The following AHR variants were observed in gnomAD, a reference collection of about 807,000 sequenced individuals.
AHR encodes the protein aryl hydrocarbon receptor, also known as AH-receptor.
A neutral mutation model predicts 86.8 loss-of-function variants in AHR; 40 were observed. The ratio of observed to expected loss-of-function variants is 0.46; its 90% CI spans 0.36 to 0.60. The LOEUF is 0.60. AHR is among the 20% of genes least tolerant of loss of function. The pLI, the probability that AHR is intolerant of heterozygous loss-of-function variation, is 0.00. For synonymous variants in AHR, 398 were observed against 354.9 expected (o/e 1.12, Z -1.37); for missense variants, 1,001 against 1,011.6 (o/e 0.99, Z 0.14).
chr7:17,299,455 G>A (rs895775647), intron 1 of AHR, 126 bp downstream of exon 1: 2 of 1,086,396 alleles, frequency 1.8e-6, no homozygotes, highest in East Asian at 2.9e-5. Context: ...GGCACTGCCC[G>A]TGGAATCGAG....
intron 2 of AHR, among the ~76,000 whole-genome samples, chr7:17,314,983 C>A (rs2115355474): frequency 6.6e-6 from 1 of 152,080 alleles, no homozygotes; most frequent in East Asian, 1.9e-4. Context: ...TGGCATTATC[C>A]ATCTTAAATG....
chr7:17,309,634 GA>G (rs1342387573), intron 1 of AHR, among the ~76,000 whole-genome samples: 1 of 152,056 alleles, frequency 6.6e-6, no homozygotes, highest in Non-Finnish European at 1.5e-5. Context: ...TTTGAGAGGG[GA>G]AAAAAATCCC....
At chr7:17,323,497 C>T (rs1474594574) in intron 3 of AHR, among the ~76,000 whole-genome samples, 1 of 151,916 alleles carries the variant, frequency 6.6e-6, no homozygotes, top group African/African-American at 2.4e-5. Flanking sequence ...ATGATTGATT[C>T]TCACTTAAAA....
At chr7:17,319,151 T>A (rs1331919663) in intron 2 of AHR, among the ~76,000 whole-genome samples, 1 of 152,144 alleles carries the variant, frequency 6.6e-6, no homozygotes, top group Non-Finnish European at 1.5e-5. Flanking sequence ...AATACTCAGT[T>A]ACCTCCTTAG....
At chr7:17,329,763 G>T in intron 4 of AHR, 189 bp from the exon 5 acceptor site, 1 of 434,888 alleles carries the variant, frequency 2.3e-6, no homozygotes, top group Non-Finnish European at 4.1e-6. Flanking sequence ...CTTATCTGTT[G>T]TAGTGCCAGT....
chr7:17,323,053 A>G (rs2115359748), intron 3 of AHR, among the ~76,000 whole-genome samples: 1 of 152,206 alleles, frequency 6.6e-6, no homozygotes, highest in Admixed American at 6.5e-5. Context: ...CATGATGATG[A>G]AAATCACCTA....
chr7:17,317,529 G>A (rs1377002754), intron 2 of AHR, among the ~76,000 whole-genome samples: 1 of 152,128 alleles, frequency 6.6e-6, no homozygotes, highest in Non-Finnish European at 1.5e-5. Context: ...AGCATGGAAT[G>A]ATAATTTTAA....
intron 5 of AHR, 118 bp downstream of exon 5, chr7:17,330,193 A>G (rs1782272617): frequency 4.9e-6 from 5 of 1,015,660 alleles, no homozygotes; most frequent in Middle Eastern, 2.3e-4. Context: ...GGAAAGATGT[A>G]AAGTCTGCAA....
chr7:17,300,280 A>AT (rs951198457), intron 1 of AHR, among the ~76,000 whole-genome samples: 3 of 151,974 alleles, frequency 2.0e-5, no homozygotes, highest in Non-Finnish European at 4.4e-5. Flanking sequence ...GTTTATTCCA[A>AT]TTTTTTTATT....
chr7:17,305,193 A>G (rs1781993282), intron 1 of AHR, among the ~76,000 whole-genome samples: 1 of 152,186 alleles, frequency 6.6e-6, no homozygotes. Flanking sequence ...AAGTTTTTGT[A>G]GATGTTTTTG....
chr7:17,331,408 C>G (rs1279206822), intron 6 of AHR, among the ~76,000 whole-genome samples: 1 of 151,878 alleles, frequency 6.6e-6, no homozygotes, highest in Non-Finnish European at 1.5e-5. Flanking sequence ...GTAATTATTT[C>G]TGATTTTGAC....
chr7:17,340,062 A>T lies in AHR; in HGVS notation c.2237A>T (p.Glu746Val). The change falls in exon 10 of 11, where the codon GAA (glutamate) becomes GTA (valine). Residue 746 changes from glutamate (E) to valine (V), a missense_variant. This residue lies in a region of AHR where 607 missense variants were observed against 543.1 expected (regional missense o/e 1.12). Coordinates refer to ENST00000242057, the MANE Select transcript of AHR (RefSeq NM_001621.5). ...EDFVTCLQLP[E>V]NQKHGLNPQS... ...TTTGTCACTTGTTTACAACTTCCTG[A>T]AAACCAAAAGCATGGATTAAATCCA... is the stretch of plus-strand genomic sequence containing the variant. 1 of 1,614,238 alleles carries T rather than the reference A, an allele frequency of 6.2e-7. No individual in the cohort carries two copies. The highest frequency in any genetic ancestry group is 8.5e-7 in the Non-Finnish European group (1 of 1,180,042).
chr7:17,316,844 A>G (rs1782120016), intron 2 of AHR, among the ~76,000 whole-genome samples: 1 of 152,070 alleles, frequency 6.6e-6, no homozygotes, highest in Non-Finnish European at 1.5e-5. Flanking sequence ...GTGTTTTGTG[A>G]TTAAAGCACT....
intron 2 of AHR, among the ~76,000 whole-genome samples, chr7:17,312,684 G>C (rs1373609889): frequency 6.6e-6 from 1 of 152,116 alleles, no homozygotes; most frequent in East Asian, 1.9e-4. Context: ...GAGTTTGTCT[G>C]TTTTTTATTC....
chr7:17,342,224 G>A (rs945675369), intron 10 of AHR, among the ~76,000 whole-genome samples: 4 of 152,060 alleles, frequency 2.6e-5, no homozygotes, highest in African/African-American at 9.7e-5. Context: ...ACTCTACAGA[G>A]CTATACATCT....
chr7:17,311,379 G>A (rs563562179), intron 2 of AHR, among the ~76,000 whole-genome samples: 3 of 152,116 alleles, frequency 2.0e-5, no homozygotes, highest in Admixed American at 6.5e-5. Flanking sequence ...AACAAGCTCC[G>A]AGATGATGCT....
intron 1 of AHR, among the ~76,000 whole-genome samples, chr7:17,306,085 A>G (rs945859780): frequency 1.2e-4 from 19 of 152,192 alleles, no homozygotes; most frequent in Non-Finnish European, 4.4e-5. Context: ...GGTCTATTTC[A>G]GGAGATGTTT....
chr7:17,313,356 G>C (rs1170015885), intron 2 of AHR, among the ~76,000 whole-genome samples: 1 of 152,086 alleles, frequency 6.6e-6, no homozygotes, highest in Non-Finnish European at 1.5e-5. Context: ...CGAAGCGAAG[G>C]GAAGCTCAAA....
chr7:17,301,099 A>G (rs772513933), intron 1 of AHR, among the ~76,000 whole-genome samples: 3 of 152,022 alleles, frequency 2.0e-5, no homozygotes, highest in Non-Finnish European at 2.9e-5. Context: ...TAACAAAAGT[A>G]TTTTTTCCAT....
Sources: allele counts gnomAD v4.1 joint callset (sites outside exome capture counted in the v4.1 genomes callset), GRCh38; gene constraint gnomAD v4.1.1; regional missense constraint gnomAD v4.1.1; transcripts MANE v1.5; gene names NCBI Gene and HGNC (gene_info 2026-07-23, HGNC 2026-07-21).